The following PPP1R12B variants were observed in gnomAD, a reference collection of about 807,000 sequenced individuals.
PPP1R12B encodes the protein protein phosphatase 1 regulatory subunit 12B.
PPP1R12B carries 76 observed loss-of-function variants against 126.1 expected under a neutral mutation model. The ratio of observed to expected loss-of-function variants is 0.60; its 90% CI spans 0.50 to 0.73. The LOEUF is 0.73. Ranked by LOEUF, PPP1R12B falls within the 30% of genes least tolerant of loss-of-function variation. PPP1R12B has a pLI of 0.00. For synonymous variants in PPP1R12B, 356 were observed against 434.7 expected, an observed-to-expected ratio of 0.82 and a Z score of 2.25; for missense variants, 1,052 against 1,205.1, an observed-to-expected ratio of 0.87 and a Z score of 1.88.
chr1:202,380,553 C>A (rs1662076886), intron 1 of PPP1R12B, among the ~76,000 whole-genome samples: 1 of 152,090 alleles, frequency 6.6e-6, no homozygotes, highest in Non-Finnish European at 1.5e-5. Flanking sequence ...GCTGTATACC[C>A]ACCTCTTCCC....
chr1:202,490,737 G>A (rs1678753441), intron 14 of PPP1R12B, among the ~76,000 whole-genome samples: 1 of 152,124 alleles, frequency 6.6e-6, no homozygotes, highest in Admixed American at 6.5e-5. Context: ...TTGTCCTTTT[G>A]TGTCGTATTT....
chr1:202,434,319 C>T (rs1467373331), intron 8 of PPP1R12B, among the ~76,000 whole-genome samples: 2 of 152,070 alleles, frequency 1.3e-5, no homozygotes, highest in Non-Finnish European at 2.9e-5. Flanking sequence ...AAATTATCTG[C>T]ATAAGAAGTG....
rs1190300054 is a variant in PPP1R12B, at chr1:202,588,790, A to G, written c.*8230A>G. On this transcript the variant is annotated 3_prime_UTR_variant, in exon 24 of 24. Transcript: ENST00000608999. ...GAATTTCCTAAATGGAGTCAGGCCA[A>G]GGAGAAGCCTAGATTGGCGTTCAAA... The G allele has an allele frequency of 6.6e-6, 1 of 151,940 alleles. No individual in the cohort carries two copies. Among genetic ancestry groups the G allele is most frequent in the Non-Finnish European group, 1.5e-5 (1 of 68,018 alleles). 9.4% of individuals were successfully genotyped at this position (151,940 alleles called of 1,614,324 possible).
intron 18 of PPP1R12B, among the ~76,000 whole-genome samples, chr1:202,552,408 C>T (rs555385719): frequency 9.5e-4 from 145 of 152,308 alleles, no homozygotes; most frequent in African/African-American, 3.2e-3. Flanking sequence ...ACTTTTGTCT[C>T]TCTTAGACTT....
intron 13 of PPP1R12B, among the ~76,000 whole-genome samples, chr1:202,456,353 A>G (rs1673641187): frequency 6.6e-6 from 1 of 152,218 alleles, no homozygotes; most frequent in Non-Finnish European, 1.5e-5. Context: ...GACATGGTAG[A>G]TGGAACTTAT....
intron 20 of PPP1R12B, among the ~76,000 whole-genome samples, chr1:202,563,397 G>A (rs1480824572): frequency 2.6e-5 from 4 of 152,050 alleles, no homozygotes; most frequent in Non-Finnish European, 5.9e-5. Flanking sequence ...GATTACAGAC[G>A]TGAGCCACCA....
intron 13 of PPP1R12B, among the ~76,000 whole-genome samples, chr1:202,463,997 A>G (rs1674655683): frequency 1.3e-5 from 2 of 152,136 alleles, no homozygotes; most frequent in South Asian, 2.1e-4. Context: ...TCCTTTGTCC[A>G]TGCGTGACCT....
intron 12 of PPP1R12B, among the ~76,000 whole-genome samples, chr1:202,446,653 T>G (rs1208369037): frequency 1.3e-5 from 2 of 150,998 alleles, no homozygotes; most frequent in African/African-American, 4.9e-5. Flanking sequence ...TGAGAGAAAA[T>G]AATTACAGCT....
At chr1:202,400,671 A>T (rs904665975) in intron 1 of PPP1R12B, among the ~76,000 whole-genome samples, 2 of 152,272 alleles carry the variant, frequency 1.3e-5, no homozygotes, top group Admixed American at 1.3e-4. Context: ...AGCAATATGC[A>T]TGAGCAGTTA....
chr1:202,433,138 G>C (rs557705589), intron 8 of PPP1R12B, among the ~76,000 whole-genome samples: 90 of 152,282 alleles, frequency 5.9e-4, no homozygotes, highest in African/African-American at 2.0e-3. Flanking sequence ...TCCGGAAATG[G>C]TATTGTAGTA....
intron 1 of PPP1R12B, among the ~76,000 whole-genome samples, chr1:202,379,062 G>A (rs1001692452): frequency 6.6e-6 from 1 of 152,042 alleles, no homozygotes; most frequent in African/African-American, 2.4e-5. Context: ...GTCGAGATCT[G>A]TCTGACCCTG....
At chr1:202,433,984 G>A (rs763637806) in intron 8 of PPP1R12B, among the ~76,000 whole-genome samples, 1 of 152,158 alleles carries the variant, frequency 6.6e-6, no homozygotes, top group Non-Finnish European at 1.5e-5. Context: ...GAATAGAAAG[G>A]TGTATACATG....
chr1:202,468,051 G>A (rs1395649124), intron 13 of PPP1R12B, among the ~76,000 whole-genome samples: 1 of 152,070 alleles, frequency 6.6e-6, no homozygotes, highest in East Asian at 1.9e-4. Context: ...CATATCCTTT[G>A]CCCACTTTTT....
chr1:202,469,799 A>G (rs1675585857), intron 13 of PPP1R12B, among the ~76,000 whole-genome samples: 1 of 152,220 alleles, frequency 6.6e-6, no homozygotes, highest in Admixed American at 6.5e-5. Flanking sequence ...CTCTGAAGAT[A>G]AATCTAATTT....
intron 18 of PPP1R12B, among the ~76,000 whole-genome samples, chr1:202,542,886 A>G (rs1685265832): frequency 6.6e-6 from 1 of 152,178 alleles, no homozygotes; most frequent in African/African-American, 2.4e-5. Flanking sequence ...ACTTGTTTGT[A>G]TACATACATA....
intron 1 of PPP1R12B, among the ~76,000 whole-genome samples, chr1:202,377,944 T>C (rs1225389068): frequency 1.1e-4 from 15 of 142,800 alleles, no homozygotes; most frequent in Admixed American, 1.0e-3. Context: ...GTTCACGCCA[T>C]TCTCCTGCCT....
At chr1:202,534,854 T>A (rs1408344324) in intron 18 of PPP1R12B, among the ~76,000 whole-genome samples, 1 of 152,170 alleles carries the variant, frequency 6.6e-6, no homozygotes, top group East Asian at 1.9e-4. Context: ...TTCAGTAACC[T>A]TTTACATAAT....
In PPP1R12B at chr1:202,522,142, G is replaced by T. The variant is rs956230895; in HGVS notation, c.2490+25320G>T. ...AAAATAAACACATCTTCAGATACAC[G>T]AAGCTAAGTTTTCAACTCACAAACT... On this transcript the variant is annotated intron_variant, in intron 18 of 23. Coordinates refer to ENST00000608999, the MANE Select transcript of PPP1R12B (RefSeq NM_002481.4). Among the ~76,000 whole-genome samples, 4 of 152,052 alleles carry T rather than the reference G, an allele frequency of 2.6e-5. No individual in the cohort carries two copies. In the South Asian group the frequency reaches 8.3e-4, roughly 31 times the overall value.
intron 1 of PPP1R12B, among the ~76,000 whole-genome samples, chr1:202,412,799 C>T (rs1320906548): frequency 3.3e-5 from 5 of 151,968 alleles, no homozygotes; most frequent in African/African-American, 9.7e-5. Flanking sequence ...TACTTAAAAA[C>T]GTTTATTTAC....
Sources: allele counts gnomAD v4.1 joint callset (sites outside exome capture counted in the v4.1 genomes callset), GRCh38; gene constraint gnomAD v4.1.1; transcripts MANE v1.5; gene names NCBI Gene and HGNC (gene_info 2026-07-23, HGNC 2026-07-21).